AP2A2: variants seen among roughly 807,000 people sequenced by gnomAD.
AP2A2 encodes AP-2 complex subunit alpha-2.
AP2A2 carries 32 observed loss-of-function variants against 104.2 expected under a neutral mutation model. The observed-to-expected ratio is 0.31, with a 90% confidence interval of 0.23 to 0.41. The LOEUF (loss-of-function observed/expected upper bound fraction) is 0.41, where lower values mean the gene tolerates loss of function less well. AP2A2 is among the 10% of genes least tolerant of loss of function. The pLI is 1.00. For missense variants in AP2A2, 912 were observed against 1,261.0 expected (o/e 0.72, Z 4.19); for synonymous variants, 539 against 533.3 (o/e 1.01, Z -0.15).
chr11:1,004,229 T>C (rs1212287240), intron 16 of AP2A2, among the ~76,000 whole-genome samples: 1 of 152,126 alleles, frequency 6.6e-6, no homozygotes, highest in Non-Finnish European at 1.5e-5. Flanking sequence ...CCCCAGCATG[T>C]TGGGAGGCCG....
rs1362870484 is a variant in AP2A2, at chr11:988,642, A to T, written c.1222A>T (p.Met408Leu). 1 of 1,613,572 alleles carries T rather than the reference A, an allele frequency of 6.2e-7. No homozygotes were observed. Among genetic ancestry groups the T allele is most frequent in the Non-Finnish European group, 8.5e-7 (1 of 1,179,884 alleles). Reference protein sequence around the residue: ...RSNAPQIVAEMLSYLETADYS... With the variant: ...RSNAPQIVAELLSYLETADYS... ...CAACGCCCCACAGATCGTGGCCGAG[A>T]TGCTGAGCTATCTGGAGACAGCTGA... Residue 408 changes from methionine to leucine, a missense_variant, in exon 10 of 22, where the codon ATG becomes TTG. Met to Leu is a conservative substitution (Grantham distance 15, BLOSUM62 2). Transcript: ENST00000448903.
At chr11:1,001,000 C>T (rs140813251) in intron 15 of AP2A2, among the ~76,000 whole-genome samples, 16 of 152,326 alleles carry the variant, frequency 1.1e-4, no homozygotes, top group Non-Finnish European at 1.9e-4. Context: ...TGACTTAAGC[C>T]GTCTTGTCTG....
intron 14 of AP2A2, among the ~76,000 whole-genome samples, chr11:998,109 C>G (rs1454786767): frequency 6.6e-6 from 1 of 152,218 alleles, no homozygotes; most frequent in Admixed American, 6.5e-5. Context: ...GCGCTGTCCC[C>G]GGCGTAGGGA....
At chr11:970,547 G>C (rs910265891) in intron 3 of AP2A2, among the ~76,000 whole-genome samples, 1 of 152,278 alleles carries the variant, frequency 6.6e-6, no homozygotes, top group Non-Finnish European at 1.5e-5. Flanking sequence ...GCCCTCACAG[G>C]GTTCCTCCTC....
chr11:935,881 C>T (rs536461866), intron 1 of AP2A2, among the ~76,000 whole-genome samples: 1 of 151,044 alleles, frequency 6.6e-6, no homozygotes, highest in East Asian at 2.0e-4. Context: ...AGGCGTGAGC[C>T]ACTGCGCCCG....
At chr11:953,639 C>A (rs1854128399) in intron 1 of AP2A2, among the ~76,000 whole-genome samples, 1 of 148,870 alleles carries the variant, frequency 6.7e-6, no homozygotes, top group Admixed American at 7.3e-5. Context: ...CTCCGTCTGC[C>A]TCCGTCTGCC....
chr11:952,229 A>G (rs1854076708), intron 1 of AP2A2, among the ~76,000 whole-genome samples: 1 of 152,208 alleles, frequency 6.6e-6, no homozygotes, highest in Non-Finnish European at 1.5e-5. Flanking sequence ...CATTGCAAGG[A>G]CAGAAGATTT....
chr11:951,181 A>G lies in AP2A2; in HGVS notation c.68-8256A>G, dbSNP rs975785092. ...CAATAAGCATATAAAAGCTATCAGA[A>G]AAATGCATATCAAAATCACAATGAG... On this transcript the variant is annotated intron_variant, in intron 1 of 21. Coordinates refer to ENST00000448903, the MANE Select transcript of AP2A2 (RefSeq NM_012305.4). Among the ~76,000 whole-genome samples the G allele has an allele frequency of 4.6e-5, 7 of 152,320 alleles. No individual in the cohort carries two copies. In the South Asian group the frequency reaches 1.0e-3, roughly 23 times the overall value.
At chr11:960,825 T>C (rs1854410642) in intron 2 of AP2A2, among the ~76,000 whole-genome samples, 1 of 151,288 alleles carries the variant, frequency 6.6e-6, no homozygotes, top group South Asian at 2.1e-4. Flanking sequence ...ACACGGCTGG[T>C]TTTTGTATTT....
intron 9 of AP2A2, among the ~76,000 whole-genome samples, chr11:988,134 C>T (rs544395331): frequency 3.9e-5 from 6 of 152,320 alleles, no homozygotes; most frequent in African/African-American, 9.6e-5. Flanking sequence ...CCCATCAGCA[C>T]GGGCTCTGGG....
chr11:984,585 G>T, intron 6 of AP2A2, 60 bp from the exon 7 acceptor site: 1 of 1,394,832 alleles, frequency 7.2e-7, no homozygotes, highest in Non-Finnish European at 1.0e-6. Flanking sequence ...CTTTTCTTTG[G>T]GTCCCCGCAG....
intron 18 of AP2A2, chr11:1,008,520 T>A: frequency 4.4e-6 from 1 of 224,864 alleles, no homozygotes; most frequent in Non-Finnish European, 8.8e-6. Context: ...GGGGGCGCGT[T>A]TTTTGCTCAG....
chr11:931,259 CAA>C (rs1312467480), intron 1 of AP2A2, among the ~76,000 whole-genome samples: 3 of 151,996 alleles, frequency 2.0e-5, no homozygotes, highest in African/African-American at 7.3e-5. Context: ...ATTGGGGAAA[CAA>C]GACCATAATT....
intron 6 of AP2A2, among the ~76,000 whole-genome samples, chr11:983,599 G>A (rs961370222): frequency 8.6e-5 from 13 of 151,810 alleles, no homozygotes; most frequent in Middle Eastern, 3.4e-3. Context: ...TAGCCAGGAT[G>A]GTCTCGATCT....
rs1448959386 is a variant in AP2A2, at chr11:993,429, C to CT, written c.1550+49dup. ...GGGCTGTGTGCGCTCCGGCGGGCCT[C>CT]TCGGTGGTCGGTGGCAAGAGGCGAG... is the stretch of plus-strand genomic sequence containing the variant. On this transcript the variant is annotated intron_variant, in intron 12 of 21. Coordinates refer to ENST00000448903, the MANE Select transcript of AP2A2 (RefSeq NM_012305.4). The surrounding 1 kb of genome is among the most constrained non-coding windows in gnomAD (Gnocchi z 8.2). 1 of 1,457,510 alleles carries CT rather than the reference C, an allele frequency of 6.9e-7. No homozygotes were observed. Among genetic ancestry groups the CT allele is most frequent in the Middle Eastern group, 1.8e-4 (1 of 5,528 alleles). The allele number at this position is 1,457,510 out of a possible 1,614,324, so 90.3% of individuals were successfully genotyped here.
intron 16 of AP2A2, among the ~76,000 whole-genome samples, chr11:1,006,253 C>T (rs568012957): frequency 2.6e-5 from 4 of 152,348 alleles, no homozygotes; most frequent in African/African-American, 9.6e-5. Context: ...TGATCTCACC[C>T]ATCCCGTGTG....
chr11:935,700 C>T (rs544601939), intron 1 of AP2A2, among the ~76,000 whole-genome samples: 36 of 144,158 alleles, frequency 2.5e-4, no homozygotes, highest in Non-Finnish European at 4.2e-4. Context: ...CTTCGCCTCC[C>T]GGGTTCAAAC....
chr11:1,010,808 G>T lies in AP2A2; in HGVS notation c.*183G>T. The T allele has an allele frequency of 1.5e-6, 1 of 670,166 alleles. No homozygotes were observed. Among genetic ancestry groups the T allele is most frequent in the Non-Finnish European group, 2.7e-6 (1 of 368,812 alleles). 41.5% of individuals were successfully genotyped at this position (670,166 alleles called of 1,614,324 possible). A position where few individuals can be genotyped will look rare whatever the true frequency, so the allele number is the denominator to read the frequency against. On this transcript the variant is annotated 3_prime_UTR_variant, in exon 22 of 22. Coordinates refer to ENST00000448903, the MANE Select transcript of AP2A2 (RefSeq NM_012305.4). The stretch of plus-strand genomic sequence containing the variant: ...GGAACACACGTGTGTGGCTCAGGAG[G>T]AAAAGCTCAGCCTGGACTGTGGCAG...
intron 14 of AP2A2, chr11:995,925 C>T (rs1160348678): frequency 1.3e-5 from 2 of 151,368 alleles, no homozygotes; most frequent in Non-Finnish European, 2.9e-5. Context: ...AGGTGGGCGT[C>T]TTCCCTTCAC....
Sources: allele counts gnomAD v4.1 joint callset (sites outside exome capture counted in the v4.1 genomes callset), GRCh38; gene constraint gnomAD v4.1.1; non-coding constraint Gnocchi (gnomAD v3.1); transcripts MANE v1.5; gene names NCBI Gene and HGNC (gene_info 2026-07-23, HGNC 2026-07-21).